The following NLGN1 variants were observed in gnomAD, a reference collection of about 807,000 sequenced individuals.
NLGN1 encodes neuroligin 1, also known as neuroligin-1.
NLGN1 carries 12 observed loss-of-function variants against 65.5 expected under a neutral mutation model. The ratio of observed to expected loss-of-function variants is 0.18; its 90% confidence interval spans 0.12 to 0.30. The LOEUF is 0.30. Ranked by LOEUF, NLGN1 falls within the 10% of genes least tolerant of loss-of-function variation. The pLI, the probability that NLGN1 is intolerant of heterozygous loss-of-function variation, is 1.00. For missense variants in NLGN1, 750 were observed against 1,007.1 expected (o/e 0.74, Z 3.46); for synonymous variants, 350 against 359.5 (o/e 0.97, Z 0.30).
chr3:173,527,185 T>G (rs1378536597), intron 2 of NLGN1, among the ~76,000 whole-genome samples: 1 of 152,194 alleles, frequency 6.6e-6, no homozygotes, highest in Non-Finnish European at 1.5e-5. Flanking sequence ...CAACAGTGTA[T>G]GAGGGTTCCC....
At chr3:173,895,611 G>T (rs1458252925) in intron 4 of NLGN1, among the ~76,000 whole-genome samples, 1 of 152,036 alleles carries the variant, frequency 6.6e-6, no homozygotes, top group Non-Finnish European at 1.5e-5. Flanking sequence ...TAATCATTTG[G>T]TCCTTTGAAT....
intron 2 of NLGN1, among the ~76,000 whole-genome samples, chr3:173,475,764 T>A (rs920594113): frequency 6.6e-6 from 1 of 152,178 alleles, no homozygotes; most frequent in Non-Finnish European, 1.5e-5. Context: ...AGCACATCAC[T>A]CTTAATCAGA....
chr3:174,254,226 C>A (rs1577608478), intron 4 of NLGN1, among the ~76,000 whole-genome samples: 1 of 151,796 alleles, frequency 6.6e-6, no homozygotes, highest in Non-Finnish European at 1.5e-5. Context: ...AAAATACATA[C>A]CATATGGCCC....
rs189804198 is a variant in NLGN1 at position 174,192,915 on chromosome 3, C to T, written c.647-82400C>T. Among the ~76,000 whole-genome samples, 534 of 152,086 alleles carry T rather than the reference C, an allele frequency of 3.5e-3. 2 individuals carry two copies. Among genetic ancestry groups the T allele is most frequent in the Middle Eastern group, 6.8e-3 (2 of 294 alleles). On this transcript the variant is annotated intron_variant, in intron 4 of 6. Coordinates refer to ENST00000457714, the Ensembl canonical transcript of NLGN1. ...TCTGGGCCTTTGCTATTACTAAACT[C>T]CTGTGTGTTTTGTTTTGTTTTTTAA...
At chr3:173,658,268 T>G (rs563964686) in intron 3 of NLGN1, among the ~76,000 whole-genome samples, 1 of 151,986 alleles carries the variant, frequency 6.6e-6, no homozygotes, top group Non-Finnish European at 1.5e-5. Context: ...CTACCAGGTA[T>G]GTGATTAGGA....
intron 3 of NLGN1, among the ~76,000 whole-genome samples, chr3:173,739,482 C>T (rs937504960): frequency 5.3e-5 from 8 of 151,946 alleles, no homozygotes; most frequent in Admixed American, 2.6e-4. Context: ...ATCTTGTCAA[C>T]GGAAGGGGTT....
chr3:174,073,870 A>G (rs1037467802), intron 4 of NLGN1, among the ~76,000 whole-genome samples: 2 of 152,200 alleles, frequency 1.3e-5, no homozygotes, highest in South Asian at 4.1e-4. Flanking sequence ...GGAATAATAG[A>G]GTGGTCCTTT....
chr3:173,676,305 G>A (rs1763164761), intron 3 of NLGN1, among the ~76,000 whole-genome samples: 1 of 152,068 alleles, frequency 6.6e-6, no homozygotes, highest in Non-Finnish European at 1.5e-5. Context: ...GGGACTGGAG[G>A]TCAACAGGGC....
At chr3:173,407,112 A>G (rs1246281133) in intron 1 of NLGN1, among the ~76,000 whole-genome samples, 2 of 152,196 alleles carry the variant, frequency 1.3e-5, no homozygotes, top group Non-Finnish European at 2.9e-5. Context: ...AGTACTATTT[A>G]ATGGCTTAGA....
At chr3:173,498,832 G>T (rs374365065) in intron 2 of NLGN1, among the ~76,000 whole-genome samples, 4 of 151,856 alleles carry the variant, frequency 2.6e-5, no homozygotes, top group East Asian at 1.9e-4. Context: ...TCATGTGTCT[G>T]TTGGCTGCAT....
intron 4 of NLGN1, among the ~76,000 whole-genome samples, chr3:174,160,016 C>T (rs1726196735): frequency 6.6e-6 from 1 of 151,598 alleles, no homozygotes; most frequent in Admixed American, 6.6e-5. Flanking sequence ...ATAGACATTC[C>T]GTTTTTAAAT....
intron 3 of NLGN1, among the ~76,000 whole-genome samples, 159 bp downstream of exon 2, chr3:173,605,250 T>C (rs1751194451): frequency 6.6e-6 from 1 of 152,154 alleles, no homozygotes. Flanking sequence ...TTTGTTTATG[T>C]GTGTCAGTGT....
intron 3 of NLGN1, among the ~76,000 whole-genome samples, chr3:173,789,279 G>A (rs965068996): frequency 2.9e-4 from 44 of 152,206 alleles, no homozygotes; most frequent in African/African-American, 9.9e-4. Flanking sequence ...AAAAAGAAGC[G>A]TGAAGTGTGC....
chr3:173,990,974 C>G (rs574564008), intron 4 of NLGN1, among the ~76,000 whole-genome samples: 1 of 152,026 alleles, frequency 6.6e-6, no homozygotes, highest in Admixed American at 6.6e-5. Context: ...CCCATATACC[C>G]CCATACATGC....
At chr3:173,699,274 A>C (rs886416158) in intron 3 of NLGN1, among the ~76,000 whole-genome samples, 4 of 152,180 alleles carry the variant, frequency 2.6e-5, no homozygotes, top group Non-Finnish European at 4.4e-5. Context: ...AAAATAAAAG[A>C]ACACAAACTA....
intron 3 of NLGN1, among the ~76,000 whole-genome samples, chr3:173,663,093 T>C (rs1453408848): frequency 1.3e-5 from 2 of 152,008 alleles, no homozygotes; most frequent in Non-Finnish European, 2.9e-5. Context: ...GGTAAATGCA[T>C]GGACTTTGGA....
intron 2 of NLGN1, among the ~76,000 whole-genome samples, chr3:173,440,011 A>C (rs1718880339): frequency 6.6e-6 from 1 of 152,200 alleles, no homozygotes. Flanking sequence ...TTCTTTCAAA[A>C]TTAGAGTCAA....
At chr3:174,267,109 A>G (rs1748410325) in intron 4 of NLGN1, among the ~76,000 whole-genome samples, 1 of 152,218 alleles carries the variant, frequency 6.6e-6, no homozygotes, top group African/African-American at 2.4e-5. Flanking sequence ...TAATTGACAC[A>G]GTAATTTGCT....
At chr3:174,267,176 A>G (rs539493540) in intron 4 of NLGN1, among the ~76,000 whole-genome samples, 17 of 152,310 alleles carry the variant, frequency 1.1e-4, no homozygotes, top group Admixed American at 1.0e-3. Flanking sequence ...AGGCTGGATA[A>G]TTTATAAAGC....
Sources: gnomAD v4.1 joint callset for allele counts (sites outside exome capture counted in the v4.1 genomes callset) on GRCh38, gnomAD v4.1.1 for gene constraint, MANE v1.5 for transcripts, NCBI Gene and HGNC (gene_info 2026-07-23, HGNC 2026-07-21) for gene names.